GPC5: variants seen among roughly 807,000 people sequenced by gnomAD.
The protein encoded by GPC5 is glypican 5, also known as glypican-5.
Under a neutral mutation model 53.9 loss-of-function variants are expected in GPC5, and 47 were observed. The observed-to-expected ratio is 0.87, with a 90% CI of 0.69 to 1.11. The LOEUF is 1.11. Ranked by LOEUF, GPC5 falls within the 50% of genes most tolerant of loss-of-function variation. The probability of loss-of-function intolerance (pLI) is 0.00; values close to 1 mark genes in which losing one functional copy is unlikely to be tolerated. For missense variants in GPC5, 748 were observed against 713.1 expected (o/e 1.05, Z -0.56); for synonymous variants, 286 against 263.3 (o/e 1.09, Z -0.84).
At chr13:92,077,978 TAGATATAC>T (rs2041265813) in intron 6 of GPC5, among the ~76,000 whole-genome samples, 1 of 118,954 alleles carries the variant, frequency 8.4e-6, no homozygotes, top group African/African-American at 2.6e-5. Context: ...GGCAGATAGA[TAGATATAC>T]ATACATACAT....
intron 2 of GPC5, among the ~76,000 whole-genome samples, chr13:91,516,752 C>T (rs917824810): frequency 6.6e-6 from 1 of 152,196 alleles, no homozygotes; most frequent in African/African-American, 2.4e-5. Flanking sequence ...GGGCCCTGCC[C>T]CTGTAGCAAA....
intron 7 of GPC5, among the ~76,000 whole-genome samples, chr13:92,315,799 G>C (rs2043175554): frequency 6.6e-6 from 1 of 152,124 alleles, no homozygotes; most frequent in African/African-American, 2.4e-5. Flanking sequence ...ATTTTTTGCT[G>C]TACTTTAAAC....
chr13:91,721,365 C>A (rs2036469857), intron 3 of GPC5, among the ~76,000 whole-genome samples: 1 of 152,130 alleles, frequency 6.6e-6, no homozygotes, highest in African/African-American at 2.4e-5. Flanking sequence ...GAACTCCTGA[C>A]CTCATGCGAT....
rs72106700 is a variant in GPC5 at position 91,678,737 on chromosome 13, G to GT, written c.326-14439dup. ...TATTTCAAGGATGTTAGGAGTTTTT[G>GT]TTTTTTTTTTTGTACATTTGTGGAT... On this transcript the variant is annotated intron_variant, in intron 2 of 7. Transcript: ENST00000377067. Among the ~76,000 whole-genome samples, 1,210 of 144,380 alleles carry GT rather than the reference G, an allele frequency of 8.4e-3. 13 individuals are homozygous for GT. The highest frequency in any genetic ancestry group is 0.045 in the South Asian group (207 of 4,576). The allele number at this position is 144,380 out of a possible 152,430, so 94.7% of individuals were successfully genotyped here.
intron 7 of GPC5, among the ~76,000 whole-genome samples, chr13:92,676,930 C>A (rs561338844): frequency 4.0e-4 from 61 of 152,016 alleles, no homozygotes; most frequent in Admixed American, 1.2e-3. Context: ...CACACACACA[C>A]AAATGTAAAT....
chr13:91,453,556 T>A (rs547715158), intron 2 of GPC5, among the ~76,000 whole-genome samples: 36 of 152,080 alleles, frequency 2.4e-4, no homozygotes, highest in African/African-American at 8.4e-4. Flanking sequence ...CTAGGAAGAA[T>A]AAAGGCGTAT....
intron 4 of GPC5, among the ~76,000 whole-genome samples, chr13:91,734,280 G>A (rs1489461702): frequency 6.6e-6 from 1 of 151,166 alleles, no homozygotes; most frequent in Non-Finnish European, 1.5e-5. Flanking sequence ...ATATTGGCCC[G>A]AATTTCAGGA....
chr13:92,798,142 G>C (rs1309174695), intron 7 of GPC5, among the ~76,000 whole-genome samples: 1 of 151,878 alleles, frequency 6.6e-6, no homozygotes, highest in Non-Finnish European at 1.5e-5. Flanking sequence ...CAATGCTAAG[G>C]AGGAAGCTTC....
At chr13:91,712,648 A>G (rs1284731570) in intron 3 of GPC5, among the ~76,000 whole-genome samples, 1 of 152,138 alleles carries the variant, frequency 6.6e-6, no homozygotes, top group African/African-American at 2.4e-5. Context: ...TAATACAGAA[A>G]AGCTTTCCAC....
chr13:92,498,546 G>C (rs1327645003), intron 7 of GPC5, among the ~76,000 whole-genome samples: 1 of 152,054 alleles, frequency 6.6e-6, no homozygotes, highest in Admixed American at 6.6e-5. Flanking sequence ...CCCTGGTTCT[G>C]GCTGGGACCA....
At chr13:92,387,911 G>T (rs1340793528) in intron 7 of GPC5, among the ~76,000 whole-genome samples, 3 of 152,130 alleles carry the variant, frequency 2.0e-5, no homozygotes, top group Admixed American at 2.0e-4. Flanking sequence ...GTACACAGTT[G>T]ATGTAAGGCA....
chr13:92,383,560 C>G (rs1161814770), intron 7 of GPC5, among the ~76,000 whole-genome samples: 1 of 152,170 alleles, frequency 6.6e-6, no homozygotes, highest in Non-Finnish European at 1.5e-5. Flanking sequence ...ATGGACTCTT[C>G]TTGCATTCTT....
At chr13:92,791,358 A>G (rs993517858) in intron 7 of GPC5, among the ~76,000 whole-genome samples, 3 of 147,572 alleles carry the variant, frequency 2.0e-5, no homozygotes, top group African/African-American at 7.5e-5. Context: ...ACATGCATAC[A>G]TGTATATAAA....
At chr13:91,689,295 T>C (rs1011959869) in intron 2 of GPC5, among the ~76,000 whole-genome samples, 2 of 143,862 alleles carry the variant, frequency 1.4e-5, no homozygotes, top group African/African-American at 5.1e-5. Flanking sequence ...GCACATAGCA[T>C]GAGTGGAGCT....
intron 7 of GPC5, among the ~76,000 whole-genome samples, chr13:92,660,494 C>T (rs1206002711): frequency 6.6e-6 from 1 of 151,480 alleles, no homozygotes; most frequent in Non-Finnish European, 1.5e-5. Context: ...TGTATATATA[C>T]ATATATATGC....
At chr13:92,404,945 G>A (rs559971886) in intron 7 of GPC5, among the ~76,000 whole-genome samples, 1 of 150,290 alleles carries the variant, frequency 6.7e-6, no homozygotes, top group African/African-American at 2.5e-5. Flanking sequence ...TGGAAACTGG[G>A]AGTTTAAGCA....
At chr13:92,527,799 GT>G (rs1302775475) in intron 7 of GPC5, among the ~76,000 whole-genome samples, 2 of 151,876 alleles carry the variant, frequency 1.3e-5, no homozygotes, top group Non-Finnish European at 2.9e-5. Context: ...GATTCATTAG[GT>G]TTAGATTAGT....
chr13:92,207,192 C>T (rs543048259), intron 7 of GPC5, among the ~76,000 whole-genome samples: 1 of 152,280 alleles, frequency 6.6e-6, no homozygotes, highest in East Asian at 1.9e-4. Flanking sequence ...TCCTCTCTTT[C>T]CTTTCCCATT....
chr13:91,402,106 A>G (rs1378744493), intron 1 of GPC5, among the ~76,000 whole-genome samples: 1 of 152,198 alleles, frequency 6.6e-6, no homozygotes, highest in African/African-American at 2.4e-5. Context: ...CATTGTTCAC[A>G]CATGCAGTAG....
Sources: allele counts gnomAD v4.1 joint callset (sites outside exome capture counted in the v4.1 genomes callset), GRCh38; gene constraint gnomAD v4.1.1; transcripts MANE v1.5; gene names NCBI Gene and HGNC (gene_info 2026-07-23, HGNC 2026-07-21).